The following FAM120A variants were observed in gnomAD, a reference collection of about 807,000 sequenced individuals.
FAM120A encodes the protein family with sequence similarity 120 member A, also known as constitutive coactivator of PPAR-gamma-like protein 1.
A neutral mutation model predicts 109.7 loss-of-function variants in FAM120A; 15 were observed. The ratio of observed to expected loss-of-function variants is 0.14; its 90% CI spans 0.09 to 0.21. FAM120A has a LOEUF of 0.21. Among genes scored for constraint, FAM120A ranks in the 10% least tolerant of loss-of-function variants. The pLI is 1.00. For missense variants in FAM120A, 899 were observed against 1,439.3 expected (o/e 0.62, Z 6.07); for synonymous variants, 493 against 572.8 (o/e 0.86, Z 1.99).
chr9:93,563,198 C>T (rs896352386), intron 17 of FAM120A, among the ~76,000 whole-genome samples: 1 of 152,238 alleles, frequency 6.6e-6, no homozygotes, highest in South Asian at 2.1e-4. Context: ...AGGCAAATAC[C>T]CTGGTTTTCA....
intron 15 of FAM120A, among the ~76,000 whole-genome samples, chr9:93,559,185 A>G (rs1862393789): frequency 1.3e-5 from 2 of 152,234 alleles, no homozygotes; most frequent in African/African-American, 2.4e-5. Context: ...GCATATAAAC[A>G]AGGCAGTTTA....
chr9:93,474,963 C>G (rs1858485203), intron 2 of FAM120A, among the ~76,000 whole-genome samples: 1 of 152,168 alleles, frequency 6.6e-6, no homozygotes, highest in South Asian at 2.1e-4. Context: ...GCCAGCAAAC[C>G]TGAGCAGTTA....
chr9:93,508,495 G>T (rs140357257), intron 5 of FAM120A, among the ~76,000 whole-genome samples: 155 of 152,322 alleles, frequency 1.0e-3, no homozygotes, highest in African/African-American at 3.5e-3. Flanking sequence ...TGACCTGGAT[G>T]CAGACCTAGG....
At chr9:93,488,298 A>G (rs190478418) in intron 3 of FAM120A, among the ~76,000 whole-genome samples, 1 of 152,152 alleles carries the variant, frequency 6.6e-6, no homozygotes, top group East Asian at 1.9e-4. Flanking sequence ...TCTCATTGTC[A>G]TAAGATTGCT....
intron 5 of FAM120A, among the ~76,000 whole-genome samples, chr9:93,510,906 C>G (rs923711903): frequency 1.3e-5 from 2 of 151,196 alleles, no homozygotes; most frequent in South Asian, 4.1e-4. Context: ...CGAATGATGC[C>G]GTATCTCGTG....
chr9:93,553,872 T>C (rs567506267), intron 12 of FAM120A, among the ~76,000 whole-genome samples: 8 of 152,218 alleles, frequency 5.3e-5, no homozygotes, highest in African/African-American at 1.7e-4. Context: ...CCATAAATAT[T>C]AAATGTTATT....
chr9:93,461,430 T>C (rs1178372073), intron 1 of FAM120A, among the ~76,000 whole-genome samples: 1 of 152,208 alleles, frequency 6.6e-6, no homozygotes, highest in Non-Finnish European at 1.5e-5. Context: ...TGTTACTATC[T>C]TGAAATAAAT....
chr9:93,514,473 A>G (rs1860476282), intron 5 of FAM120A, among the ~76,000 whole-genome samples: 1 of 152,180 alleles, frequency 6.6e-6, no homozygotes, highest in Non-Finnish European at 1.5e-5. Context: ...AAACCCAAGG[A>G]AGAGATGGTG....
At chr9:93,482,941 T>C (rs1207766529) in intron 3 of FAM120A, among the ~76,000 whole-genome samples, 1 of 152,148 alleles carries the variant, frequency 6.6e-6, no homozygotes, top group Non-Finnish European at 1.5e-5. Flanking sequence ...GGAGCCAGCT[T>C]TTGTCCGAGA....
chr9:93,502,565 TACAC>T (rs6151079), intron 5 of FAM120A, among the ~76,000 whole-genome samples: 11,474 of 146,304 alleles, frequency 0.078, 564 homozygotes, highest in African/African-American at 0.15. Context: ...GGAGGACACA[TACAC>T]ACACACACAC....
intron 11 of FAM120A, 63 bp downstream of exon 11, chr9:93,543,534 G>A (rs1861781949): frequency 1.9e-6 from 3 of 1,559,372 alleles, no homozygotes; most frequent in Non-Finnish European, 2.6e-6. Flanking sequence ...CATGACCATG[G>A]TGTCAGATGA....
At position 93,451,876 on chromosome 9, in the gene FAM120A, G is replaced by GC; in HGVS notation, c.-34dup. 1.0e-6 allele frequency: 1 copy of GC among 975,006 alleles called. No individual in the cohort carries two copies. The highest frequency in any genetic ancestry group is 1.3e-6 in the Non-Finnish European group (1 of 790,556). The allele number at this position is 975,006 out of a possible 1,614,324, so 60.4% of individuals were successfully genotyped here. On this transcript the variant is annotated 5_prime_UTR_variant, in exon 1 of 18. Transcript: ENST00000277165. The stretch of plus-strand genomic sequence containing the variant: ...CGGCCCCACCACCCCCGGCCCCGCC[G>GC]CCCCCCGCCCGCACCCGCGCCCGCG...
rs150161136 is a variant in FAM120A at position 93,558,154 on chromosome 9, C to T, written c.2668+144C>T. Reference sequence around the variant, plus strand: ...TCCTGCAGCAGCAGTTCTTCAAGTCCGTGAGGAGCAAGTTTAATCCTGGAG... The same window carrying T: ...TCCTGCAGCAGCAGTTCTTCAAGTCTGTGAGGAGCAAGTTTAATCCTGGAG... On this transcript the variant is annotated intron_variant, in intron 14 of 17. Coordinates refer to ENST00000277165, the MANE Select transcript of FAM120A (RefSeq NM_014612.5). 6.8e-4 allele frequency: 590 copies of T among 863,224 alleles called. 2 individuals are homozygous for T. Among genetic ancestry groups the T allele is most frequent in the South Asian group, 1.6e-3 (82 of 51,486 alleles). The allele number at this position is 863,224 out of a possible 1,614,324, so 53.5% of individuals were successfully genotyped here.
At chr9:93,485,731 T>TTGA (rs1035457471) in intron 3 of FAM120A, among the ~76,000 whole-genome samples, 1 of 150,608 alleles carries the variant, frequency 6.6e-6, no homozygotes. Context: ...TGCTGTGTCT[T>TTGA]TGAGACTCTA....
At chr9:93,548,438 G>A (rs917961495) in intron 11 of FAM120A, among the ~76,000 whole-genome samples, 3 of 152,126 alleles carry the variant, frequency 2.0e-5, no homozygotes, top group Non-Finnish European at 2.9e-5. Context: ...AGACTGGGGA[G>A]TTGTTGTGTA....
chr9:93,455,234 G>A (rs114397841), intron 1 of FAM120A, among the ~76,000 whole-genome samples: 1 of 152,188 alleles, frequency 6.6e-6, no homozygotes, highest in African/African-American at 2.4e-5. Context: ...GTAACAACTT[G>A]CATGAATATT....
chr9:93,513,694 T>C (rs113029144), intron 5 of FAM120A, among the ~76,000 whole-genome samples: 2,089 of 152,232 alleles, frequency 0.014, 33 homozygotes, highest in Middle Eastern at 0.099. Context: ...TAAATTGTAG[T>C]CTGTAAGATT....
At chr9:93,501,922 A>G (rs1859819863) in intron 5 of FAM120A, among the ~76,000 whole-genome samples, 2 of 152,214 alleles carry the variant, frequency 1.3e-5, no homozygotes, top group Non-Finnish European at 2.9e-5. Flanking sequence ...CTACCAGTGA[A>G]ACTAACAGGG....
At chr9:93,513,980 C>G (rs1161865786) in intron 5 of FAM120A, among the ~76,000 whole-genome samples, 1 of 152,176 alleles carries the variant, frequency 6.6e-6, no homozygotes, top group South Asian at 2.1e-4. Context: ...TTCCCCTTGC[C>G]TGGTGTTTTC....
Sources: gnomAD v4.1 joint callset for allele counts (sites outside exome capture counted in the v4.1 genomes callset) on GRCh38, gnomAD v4.1.1 for gene constraint, MANE v1.5 for transcripts, NCBI Gene and HGNC (gene_info 2026-07-23, HGNC 2026-07-21) for gene names.